MYO15B: variants seen among roughly 807,000 people sequenced by gnomAD.
MYO15B encodes myosin XVB.
In MYO15B, 207 loss-of-function variants were observed where a neutral mutation model predicts 119.3. The ratio of observed to expected loss-of-function variants is 1.73; its 90% CI spans 1.55 to 1.95. MYO15B has a LOEUF of 1.95. MYO15B is among the 30% of genes most tolerant of loss of function. The pLI is 0.00. For synonymous variants in MYO15B, 966 were observed against 498.9 expected, an observed-to-expected ratio of 1.94 and a Z score of -12.48; for missense variants, 2,264 against 1,203.1, an observed-to-expected ratio of 1.88 and a Z score of -13.04.
intron 21 of MYO15B, among the ~76,000 whole-genome samples, chr17:75,606,376 G>A (rs2057651163): frequency 6.6e-6 from 1 of 151,716 alleles, no homozygotes; most frequent in African/African-American, 2.4e-5. Flanking sequence ...GTGCAGTGGC[G>A]CGATCTCAGC....
At chr17:75,590,019 G>T in exon 1 of MYO15B, 1 of 398,830 alleles carries the variant, frequency 2.5e-6, no homozygotes, top group Non-Finnish European at 4.4e-6. Context: ...CCGCCGTGCT[G>T]CTACCCCGAC....
chr17:75,593,924 GA>G (rs3072564), intron 9 of MYO15B, among the ~76,000 whole-genome samples: 42 of 128,834 alleles, frequency 3.3e-4, no homozygotes, highest in African/African-American at 6.1e-4. Context: ...AGTCTCAGAA[GA>G]AAAAAAAAAA....
Position 75,589,041 on chromosome 17 carries a change from G to A in MYO15B, c.984G>A (p.Pro328=). ...CGGGAGCCGCAGCAGGAGCGGGGCC[G>A]GAGGACCCAGCCCCGCTGGCGGCCC... The change falls in exon 1 of 64, where the codon CCG becomes CCA. Residue 328 remains proline (P), a synonymous_variant. Coordinates refer to ENST00000645453, the Ensembl canonical transcript of MYO15B. This position sits in a 1 kb window ranked among gnomAD's most constrained non-coding sequence, Gnocchi z 4.2. The A allele has an allele frequency of 2.5e-6, 1 of 396,940 alleles. No individual in the cohort carries two copies. Among genetic ancestry groups the A allele is most frequent in the Non-Finnish European group, 4.4e-6 (1 of 224,934 alleles). The allele number at this position is 396,940 out of a possible 1,614,324, so 24.6% of individuals were successfully genotyped here.
Position 75,613,426 on chromosome 17 carries a change from G to T in MYO15B, c.5101G>T (p.Gly1701Ter), listed in dbSNP as rs1008116357. 1.5e-6 allele frequency: 1 copy of T among 679,056 alleles called. No homozygotes were observed. Among genetic ancestry groups the T allele is most frequent in the South Asian group, 1.5e-5 (1 of 64,518 alleles). The allele number at this position is 679,056 out of a possible 1,614,324, so 42.1% of individuals were successfully genotyped here. Residue 1701 changes from glycine (G) to a stop codon, truncating the protein, a stop_gained, in exon 28 of 64, where the codon GGA becomes TGA. Coordinates refer to ENST00000645453, the Ensembl canonical transcript of MYO15B. LOFTEE classifies it high-confidence loss of function. ...CCCGACCCAGCTGGAGTGGCTGGCC[G>T]GATGGCGGCGGGGCCGCATGGCGCT...
rs1243430591 is a variant in MYO15B, at chr17:75,620,523, C to CA, written c.7613dup (p.Pro2539AlafsTer49). 1.4e-6 allele frequency: 1 copy of CA among 702,834 alleles called. No individual in the cohort carries two copies. The highest frequency in any genetic ancestry group is 1.5e-5 in the South Asian group (1 of 67,604). The allele number at this position is 702,834 out of a possible 1,614,324, so 43.5% of individuals were successfully genotyped here. A position where few individuals can be genotyped will look rare whatever the true frequency, so the allele number is the denominator to read the frequency against. ...CGGACTCTTTCCTGCCGACATAGTG[C>CA]AGCCGGCTGCCGCTCCCGACTTTTC... is the stretch of plus-strand genomic sequence containing the variant. On this transcript the variant is annotated frameshift_variant, in exon 49 of 64. Transcript: ENST00000645453. LOFTEE classifies it high-confidence loss of function.
At chr17:75,625,053 G>A in intron 59 of MYO15B, 70 bp from the exon 60 acceptor site, 1 of 657,902 alleles carries the variant, frequency 1.5e-6, no homozygotes, top group South Asian at 1.7e-5. Context: ...GGAGGCTTGA[G>A]CCTCTAGAGC....
In MYO15B at chr17:75,602,465, C is replaced by A. The variant is rs1407397458; in HGVS notation, c.3652-52C>A. The A allele has an allele frequency of 1.0e-5, 7 of 702,812 alleles. No homozygotes were observed. The Admixed American group carries it at 1.4e-4, about 14-fold the overall frequency. 43.5% of individuals were successfully genotyped at this position (702,812 alleles called of 1,614,324 possible). A position where few individuals can be genotyped will look rare whatever the true frequency, so the allele number is the denominator to read the frequency against. On this transcript the variant is annotated intron_variant, in intron 15 of 63. Transcript: ENST00000645453. The stretch of plus-strand genomic sequence containing the variant: ...ATATCCAGCCTCCCCTCCTTGGTTC[C>A]TGTTCTCCTCCCTTTCTCCACTTCC...
intron 21 of MYO15B, among the ~76,000 whole-genome samples, chr17:75,606,481 A>AT (rs11423867): frequency 0.94 from 139,200 of 148,066 alleles, 65,467 homozygotes; most frequent in East Asian, 1. Flanking sequence ...CACTCAGCTA[A>AT]TTTTTTTTTG....
intron 3 of MYO15B, 31 bp downstream of exon 3, chr17:75,591,047 T>A: frequency 3.0e-6 from 2 of 659,464 alleles, no homozygotes; most frequent in Non-Finnish European, 5.5e-6. Context: ...GACCCTCTGC[T>A]CACCTCCCAG....
At chr17:75,603,957 G>C (rs2057453429) in intron 19 of MYO15B, among the ~76,000 whole-genome samples, 1 of 152,186 alleles carries the variant, frequency 6.6e-6, no homozygotes, top group Admixed American at 6.5e-5. Flanking sequence ...GTCCAGCTGA[G>C]CTGGGCTGGT....
At chr17:75,610,807 G>A (rs1052137987) in intron 22 of MYO15B, 93 bp from the exon 23 acceptor site, 2 of 698,286 alleles carry the variant, frequency 2.9e-6, no homozygotes, top group African/African-American at 3.5e-5. Context: ...ACCTCCCAGG[G>A]GCAGGAGGGG....
chr17:75,618,141 G>A, exon 43 of MYO15B: 1 of 703,290 alleles, frequency 1.4e-6, no homozygotes, highest in East Asian at 2.7e-5. Flanking sequence ...CTACCCACGG[G>A]AGAACTTCAG....
At chr17:75,587,965 GGTGC>G (rs1365102369) in exon 1 of MYO15B, 1 of 397,068 alleles carries the variant, frequency 2.5e-6, no homozygotes, top group Non-Finnish European at 4.4e-6. Flanking sequence ...AGAGCCGGGT[GGTGC>G]ACTGCACAGA....
exon 56 of MYO15B, chr17:75,624,263 T>C (rs2058885959): frequency 2.8e-6 from 2 of 702,806 alleles, no homozygotes; most frequent in African/African-American, 3.5e-5. Context: ...AAATGAAGGC[T>C]TTCCTGGTAC....
intron 49 of MYO15B, 115 bp downstream of exon 49, chr17:75,620,751 T>C: frequency 1.4e-6 from 1 of 698,084 alleles, no homozygotes; most frequent in Non-Finnish European, 2.6e-6. Flanking sequence ...GCTGTCCGTC[T>C]CCTGTGGCTG....
chr17:75,626,764 C>T (rs544387623), exon 64 of MYO15B: 20 of 538,336 alleles, frequency 3.7e-5, no homozygotes, highest in Non-Finnish European at 6.0e-5. Context: ...GCCCACCCGA[C>T]CCCAGGCTCC....
chr17:75,610,175 C>T (rs1175913150), exon 22 of MYO15B: 5 of 699,914 alleles, frequency 7.1e-6, no homozygotes, highest in Middle Eastern at 2.3e-4. Flanking sequence ...GGAAGCGGTA[C>T]CTCCGGCGGC....
chr17:75,622,060 C>T (rs1276209788), exon 53 of MYO15B: 2 of 703,056 alleles, frequency 2.8e-6, no homozygotes, highest in Non-Finnish European at 2.6e-6. Context: ...TGAGATGGAT[C>T]TGCTCTATGA....
chr17:75,615,312 C>T, exon 34 of MYO15B: 2 of 702,660 alleles, frequency 2.8e-6, no homozygotes, highest in Non-Finnish European at 5.2e-6. Flanking sequence ...ATGATGCCAG[C>T]AATGGGCACA....
Sources: allele counts gnomAD v4.1 joint callset (sites outside exome capture counted in the v4.1 genomes callset), GRCh38; gene constraint gnomAD v4.1.1; non-coding constraint Gnocchi (gnomAD v3.1); transcripts MANE v1.5; gene names NCBI Gene and HGNC (gene_info 2026-07-23, HGNC 2026-07-21).